Variants in IFI16 observed in about 807,000 individuals in gnomAD.
The protein encoded by IFI16 is interferon gamma inducible protein 16.
IFI16 carries 49 observed loss-of-function variants against 68.4 expected under a neutral mutation model. That is an observed-to-expected ratio of 0.72 (90% confidence interval 0.57 to 0.91). The LOEUF is 0.91. Ranked by LOEUF, IFI16 falls within the 40% of genes least tolerant of loss-of-function variation. IFI16 has a pLI of 0.00. For missense variants in IFI16, 878 were observed against 942.9 expected (o/e 0.93, Z 0.90); for synonymous variants, 307 against 315.0 (o/e 0.97, Z 0.27).
intron 11 of IFI16, 22 bp from the exon 12 acceptor site, chr1:159,054,796 TGTC>T (rs1655580347): frequency 7.4e-7 from 1 of 1,351,032 alleles, no homozygotes; most frequent in Non-Finnish European, 1.1e-6. Flanking sequence ...TCAACTGGTC[TGTC>T]TTTATCTCTT....
At chr1:159,006,380 TA>T (rs373672182), upstream of IFI16, among the ~76,000 whole-genome samples, 331 of 152,346 alleles carry the variant, frequency 2.2e-3, 1 homozygote, top group African/African-American at 7.6e-3. Flanking sequence ...TGCAAGGTTG[TA>T]AATCTTTCAT....
chr1:159,039,150 A>G (rs1323885609), intron 7 of IFI16, among the ~76,000 whole-genome samples: 2 of 152,320 alleles, frequency 1.3e-5, no homozygotes, highest in Admixed American at 1.3e-4. Context: ...GCCAGGACTC[A>G]ATCACACACC....
chr1:159,011,400 T>A (rs1216476232), intron 1 of IFI16, among the ~76,000 whole-genome samples: 1 of 151,854 alleles, frequency 6.6e-6, no homozygotes, highest in African/African-American at 2.4e-5. Flanking sequence ...AAAAAAAATT[T>A]TTTTTCTTTG....
In IFI16 at chr1:159,054,881, T is replaced by A; in HGVS notation, c.2338T>A (p.Ser780Thr). 1 of 1,594,314 alleles carries A rather than the reference T, an allele frequency of 6.3e-7. No homozygotes were observed. Among genetic ancestry groups the A allele is most frequent in the Non-Finnish European group, 8.6e-7 (1 of 1,164,094 alleles). ...ILNPDSSMETSPDFFF is the reference protein window; with the variant it reads ...ILNPDSSMETTPDFFF ...CAATCCTGATTCAAGTATGGAAACT[T>A]CACCAGACTTTTTCTTCTAAAATCT... is the stretch of plus-strand genomic sequence containing the variant. The change falls in exon 12 of 12, where the codon TCA becomes ACA. Residue 780 changes from serine (S) to threonine (T), a missense_variant. By Grantham distance (58) the Ser-to-Thr change is moderately conservative (BLOSUM62 1). This residue lies in a region of IFI16 where 311 missense variants were observed against 305.1 expected (regional missense o/e 1.02). Transcript: ENST00000295809.
At chr1:159,053,784 A>G in intron 11 of IFI16, 60 bp downstream of exon 11, 19 of 1,309,656 alleles carry the variant, frequency 1.5e-5, no homozygotes, top group Non-Finnish European at 2.0e-5. Flanking sequence ...TTATACTTTA[A>G]GAAGACTAGA....
At chr1:159,030,411 T>C (rs1653930534) in intron 6 of IFI16, among the ~76,000 whole-genome samples, 1 of 152,190 alleles carries the variant, frequency 6.6e-6, no homozygotes, top group Non-Finnish European at 1.5e-5. Flanking sequence ...TTCTTCCTTC[T>C]CATTTGGGTA....
chr1:159,016,133 C>T, intron 3 of IFI16, 146 bp downstream of exon 3: 5 of 627,998 alleles, frequency 8.0e-6, no homozygotes, highest in Non-Finnish European at 1.4e-5. Context: ...AATTGATCAT[C>T]TTATTGATGC....
At position 159,016,650 on chromosome 1, in the gene IFI16, C is replaced by G; in HGVS notation, c.499C>G (p.Pro167Ala). 1.2e-6 allele frequency: 2 copies of G among 1,614,168 alleles called. No homozygotes were observed. Among genetic ancestry groups the G allele is most frequent in the Non-Finnish European group, 1.7e-6 (2 of 1,180,020 alleles). Reference protein sequence around the residue: ...AGMSTAMGRSPSPKTSLSAPP... With the variant: ...AGMSTAMGRSASPKTSLSAPP... ...CATGTCCACAGCCATGGGCCGTTCC[C>G]CATCTCCCAAGACCTCATTGTCAGC... The change falls in exon 4 of 12, where the codon CCA becomes GCA. Residue 167 changes from proline to alanine, a missense_variant. Pro to Ala is a conservative substitution (Grantham distance 27). Transcript: ENST00000295809.
chr1:159,052,978 A>G (rs567423401), intron 10 of IFI16: 4 of 152,610 alleles, frequency 2.6e-5, no homozygotes, highest in African/African-American at 9.6e-5. Context: ...TGTAGAGTTA[A>G]TGAATAATGA....
intron 6 of IFI16, 34 bp downstream of exon 6, chr1:159,020,563 A>G: frequency 6.7e-7 from 1 of 1,501,072 alleles, no homozygotes; most frequent in South Asian, 1.2e-5. Flanking sequence ...TAGTTTTCCA[A>G]AGTGGAAATG....
chr1:159,051,855 G>T lies in IFI16; in HGVS notation c.1842G>T (p.Lys614Asn). 6.2e-7 allele frequency: 1 copy of T among 1,614,088 alleles called. No homozygotes were observed. The highest frequency in any genetic ancestry group is 2.2e-5 in the East Asian group (1 of 44,884). Residue 614 changes from lysine (K) to asparagine (N), a missense_variant, in exon 10 of 12, where the codon AAG becomes AAT. By Grantham distance (94) the Lys-to-Asn change is moderately conservative. Around this residue, in one of 4 missense-constraint regions of IFI16, gnomAD observed 311 missense variants for 305.1 expected, o/e 1.02. Coordinates refer to ENST00000295809, the MANE Select transcript of IFI16 (RefSeq NM_001376587.1). The stretch of plus-strand genomic sequence containing the variant: ...CTGAGAATGAAGTCTTCCGAGTGAA[G>T]GTTTTTAATATTGACCTAAAGGAGA... Reference protein sequence around the residue: ...VATENEVFRVKVFNIDLKEKF... With the variant: ...VATENEVFRVNVFNIDLKEKF...
upstream of IFI16, among the ~76,000 whole-genome samples, chr1:159,003,258 G>A (rs1652124743): frequency 1.3e-5 from 2 of 152,074 alleles, no homozygotes; most frequent in South Asian, 2.1e-4. Flanking sequence ...ATAGAAAATC[G>A]CATGGTTTAT....
intron 7 of IFI16, among the ~76,000 whole-genome samples, chr1:159,038,559 G>T (rs1485309774): frequency 6.6e-6 from 1 of 151,986 alleles, no homozygotes; most frequent in African/African-American, 2.4e-5. Context: ...TAGAGATGAG[G>T]TCTCGCTATA....
At chr1:159,012,687 G>T (rs12727764) in intron 1 of IFI16, among the ~76,000 whole-genome samples, 30,693 of 152,130 alleles carry the variant, frequency 0.2, 3,689 homozygotes, top group African/African-American at 0.32. Context: ...AAGCTGACCG[G>T]ATTGGCTACT....
intron 8 of IFI16, among the ~76,000 whole-genome samples, chr1:159,047,317 T>A (rs1352665465): frequency 6.7e-6 from 1 of 150,192 alleles, no homozygotes; most frequent in Non-Finnish European, 1.5e-5. Flanking sequence ...TCCCCCTATA[T>A]AGTCTTTCCT....
At chr1:159,044,128 C>T (rs1161611266) in intron 7 of IFI16, among the ~76,000 whole-genome samples, 4 of 152,114 alleles carry the variant, frequency 2.6e-5, no homozygotes, top group African/African-American at 9.7e-5. Flanking sequence ...TCTTTGTGCA[C>T]ATTACCTAAA....
Position 159,049,419 on chromosome 1 carries a change from T to C in IFI16, c.1498-13T>C, listed in dbSNP as rs1416056615. ...TAACTAGAAAAAAAGAACAAACATC[T>C]ATTTTCCTTTAGAAAAGTGAAGACA... On this transcript the variant is annotated splice_polypyrimidine_tract_variant and intron_variant, in intron 8 of 11. Coordinates refer to ENST00000295809, the MANE Select transcript of IFI16 (RefSeq NM_001376587.1). The C allele has an allele frequency of 8.2e-7, 1 of 1,214,854 alleles. No homozygotes were observed. The highest frequency in any genetic ancestry group is 2.4e-5 in the East Asian group (1 of 42,254). 75.3% of individuals were successfully genotyped at this position (1,214,854 alleles called of 1,614,324 possible). A position where few individuals can be genotyped will look rare whatever the true frequency, so the allele number is the denominator to read the frequency against.
At position 159,051,756 on chromosome 1, in the gene IFI16, G is replaced by C; in HGVS notation, c.1743G>C (p.Met581Ile). 1 of 1,613,978 alleles carries C rather than the reference G, an allele frequency of 6.2e-7. No homozygotes were observed. The change falls in exon 10 of 12, where the codon ATG becomes ATC. Residue 581 changes from methionine to isoleucine, a missense_variant. Physicochemically the swap from Met to Ile is conservative, Grantham distance 10. Transcript: ENST00000295809. ...DSAQSDLKEV[M>I]VLNATESFVY... ...CCCAGAGTGACCTCAAAGAAGTGAT[G>C]GTGCTGAACGCAACAGAATCATTTG...
chr1:159,022,606 A>G (rs7525853), intron 6 of IFI16, among the ~76,000 whole-genome samples: 47,507 of 152,094 alleles, frequency 0.31, 10,054 homozygotes, highest in African/African-American at 0.6. Context: ...CTTGTGGAAT[A>G]TTGAGAAAGG....
Sources: gnomAD v4.1 joint callset for allele counts (sites outside exome capture counted in the v4.1 genomes callset) on GRCh38, gnomAD v4.1.1 for gene constraint, gnomAD v4.1.1 regional missense constraint, MANE v1.5 for transcripts, NCBI Gene and HGNC (gene_info 2026-07-23, HGNC 2026-07-21) for gene names.